Variants in LIMCH1 observed in about 807,000 individuals in gnomAD.
The protein encoded by LIMCH1 is LIM and calponin homology domains 1, also known as LIM and calponin homology domains-containing protein 1.
LIMCH1 carries 113 observed loss-of-function variants against 176.5 expected under a neutral mutation model. The observed-to-expected ratio is 0.64, with a 90% CI of 0.55 to 0.75. The LOEUF (loss-of-function observed/expected upper bound fraction) is 0.75. Ranked by LOEUF, LIMCH1 falls within the 30% of genes least tolerant of loss-of-function variation. The probability of loss-of-function intolerance (pLI) is 0.00; values close to 1 mark genes in which losing one functional copy is unlikely to be tolerated. For synonymous variants in LIMCH1, 619 were observed against 645.9 expected (o/e 0.96, Z 0.63); for missense variants, 1,674 against 1,814.9 (o/e 0.92, Z 1.41).
chr4:41,495,119 A>G (rs2071861254), intron 2 of LIMCH1, among the ~76,000 whole-genome samples: 1 of 152,162 alleles, frequency 6.6e-6, no homozygotes, highest in Non-Finnish European at 1.5e-5. Context: ...TACAGTGTTT[A>G]ATTTTTGTGT....
chr4:41,472,364 C>T (rs1490752719), intron 1 of LIMCH1, among the ~76,000 whole-genome samples: 1 of 145,954 alleles, frequency 6.9e-6, no homozygotes, highest in Non-Finnish European at 1.5e-5. Context: ...CCCTCCCTTC[C>T]TCCCTCTCTT....
chr4:41,404,040 T>TA (rs1196916849), intron 1 of LIMCH1, among the ~76,000 whole-genome samples: 2 of 152,228 alleles, frequency 1.3e-5, no homozygotes, highest in East Asian at 3.8e-4. Flanking sequence ...TTTATATGCA[T>TA]AATAGTGCAT....
chr4:41,640,009 T>A (rs2152906611), intron 14 of LIMCH1, among the ~76,000 whole-genome samples: 1 of 152,310 alleles, frequency 6.6e-6, no homozygotes, highest in Middle Eastern at 3.4e-3. Context: ...AAATTAAGTG[T>A]CTTCAGATTG....
chr4:41,433,299 G>C (rs558336138), intron 1 of LIMCH1, among the ~76,000 whole-genome samples: 1 of 152,030 alleles, frequency 6.6e-6, no homozygotes, highest in African/African-American at 2.4e-5. Flanking sequence ...TTCCAGTTTT[G>C]GGGGGGAAAC....
chr4:41,469,351 G>T (rs1337658726), intron 1 of LIMCH1, among the ~76,000 whole-genome samples: 2 of 152,138 alleles, frequency 1.3e-5, no homozygotes, highest in Non-Finnish European at 2.9e-5. Flanking sequence ...TGGTCTATTT[G>T]CTGCCTCCCT....
chr4:41,476,345 G>T (rs537538516), intron 1 of LIMCH1, among the ~76,000 whole-genome samples: 1 of 152,278 alleles, frequency 6.6e-6, no homozygotes, highest in East Asian at 1.9e-4. Context: ...TGTTTCCTTA[G>T]AGTTCTTGGT....
chr4:41,421,167 C>G (rs1444167551), intron 1 of LIMCH1, among the ~76,000 whole-genome samples: 1 of 152,154 alleles, frequency 6.6e-6, no homozygotes. Flanking sequence ...GCAGTGAGAT[C>G]CTGGTTAACA....
chr4:41,465,062 G>A (rs1048464131), intron 1 of LIMCH1, among the ~76,000 whole-genome samples: 1 of 152,112 alleles, frequency 6.6e-6, no homozygotes, highest in Admixed American at 6.5e-5. Context: ...CATCAAACTT[G>A]CAAACTTTTC....
In LIMCH1 at chr4:41,460,493, GT is replaced by G. The variant is rs1205937354; in HGVS notation, c.97-34041del. Among the ~76,000 whole-genome samples, 3 of 100,044 alleles carry G rather than the reference GT, an allele frequency of 3.0e-5. 1 individual carries two copies. Among genetic ancestry groups the G allele is most frequent in the African/African-American group, 9.9e-5 (2 of 20,252 alleles). The allele number at this position is 100,044 out of a possible 152,430, so 65.6% of individuals were successfully genotyped here. On this transcript the variant is annotated intron_variant, in intron 1 of 26. Coordinates refer to the LIMCH1 transcript ENST00000313860. ...ATATATATATATCTTATAATATCAT[GT>G]TATAGATCTTAAATATACACAAAAA...
chr4:41,555,665 A>AT (rs963620406), intron 1 of LIMCH1, among the ~76,000 whole-genome samples: 11 of 152,030 alleles, frequency 7.2e-5, no homozygotes, highest in East Asian at 3.9e-4. Context: ...ACAAACAAGA[A>AT]TTTTTTTTTC....
Position 41,468,351 on chromosome 4 carries a change from TCCTC to T in LIMCH1, c.97-26170_97-26167del, listed in dbSNP as rs1270962575. On this transcript the variant is annotated intron_variant, in intron 1 of 26. Transcript: ENST00000313860. Reference sequence around the variant, plus strand: ...CTGCTCCCCTCCCCTCCCCTCCTCCTCCTCCCTCCCTCCCTCCCCCTCCTCTCTC... The same window carrying T: ...CTGCTCCCCTCCCCTCCCCTCCTCCTCCTCCCTCCCTCCCCCTCCTCTCTC... 5.5e-4 allele frequency among the ~76,000 whole-genome samples: 11 copies of T among 20,178 alleles called. 1 individual carries two copies. The highest frequency in any genetic ancestry group is 1.7e-3 in the African/African-American group (8 of 4,816). 13.2% of individuals were successfully genotyped at this position (20,178 alleles called of 152,430 possible).
intron 1 of LIMCH1, among the ~76,000 whole-genome samples, chr4:41,551,585 G>A (rs140990082): frequency 1.5e-4 from 23 of 152,240 alleles, no homozygotes; most frequent in African/African-American, 5.5e-4. Flanking sequence ...ATACCCTGCA[G>A]GCCAAAACCA....
chr4:41,479,220 G>C (rs182450615), intron 1 of LIMCH1, among the ~76,000 whole-genome samples: 1 of 152,112 alleles, frequency 6.6e-6, no homozygotes, highest in Admixed American at 6.5e-5. Context: ...CAAAGTGCAA[G>C]ACCATTCCTT....
At chr4:41,650,207 C>G (rs2094231278) in intron 17 of LIMCH1, among the ~76,000 whole-genome samples, 186 bp from the exon 18 acceptor site, 1 of 152,172 alleles carries the variant, frequency 6.6e-6, no homozygotes, top group South Asian at 2.1e-4. Context: ...TAAGGAGGCC[C>G]TCAAAGATAG....
chr4:41,490,189 G>A (rs572401858), intron 1 of LIMCH1, among the ~76,000 whole-genome samples: 33 of 151,952 alleles, frequency 2.2e-4, no homozygotes, highest in Non-Finnish European at 4.4e-4. Flanking sequence ...TAATCCATGC[G>A]TAAGTGGACC....
intron 17 of LIMCH1, among the ~76,000 whole-genome samples, chr4:41,648,822 C>T (rs1174450346): frequency 2.0e-5 from 3 of 151,500 alleles, no homozygotes; most frequent in Non-Finnish European, 2.9e-5. Context: ...AAAGTTACCA[C>T]CCGTTGCTAG....
intron 2 of LIMCH1, among the ~76,000 whole-genome samples, chr4:41,499,891 C>G (rs1221969831): frequency 2.0e-5 from 3 of 152,176 alleles, no homozygotes; most frequent in African/African-American, 7.2e-5. Context: ...CTTTAGCTTC[C>G]CTAAACCTAG....
chr4:41,401,903 A>C (rs2058479566), intron 1 of LIMCH1, among the ~76,000 whole-genome samples: 1 of 152,202 alleles, frequency 6.6e-6, no homozygotes. Context: ...ACTTTGCTGA[A>C]GTTGCTTATG....
intron 1 of LIMCH1, among the ~76,000 whole-genome samples, chr4:41,388,411 A>G (rs1325046484): frequency 6.6e-6 from 1 of 152,232 alleles, no homozygotes; most frequent in African/African-American, 2.4e-5. Context: ...TATTCCATTT[A>G]TATGTGATGT....
Sources: allele counts gnomAD v4.1 joint callset (sites outside exome capture counted in the v4.1 genomes callset), GRCh38; gene constraint gnomAD v4.1.1; transcripts MANE v1.5; gene names NCBI Gene and HGNC (gene_info 2026-07-23, HGNC 2026-07-21).